The following CSMD1 variants were observed in gnomAD, a reference collection of about 807,000 sequenced individuals.
CSMD1 encodes the protein CUB and Sushi multiple domains 1, also known as CUB and sushi domain-containing protein 1.
In CSMD1, 213 loss-of-function variants were observed where a neutral mutation model predicts 417.5. The ratio of observed to expected loss-of-function variants is 0.51; its 90% CI spans 0.46 to 0.57. The LOEUF is 0.57. Among genes scored for constraint, CSMD1 ranks in the 20% least tolerant of loss-of-function variants. The pLI, the probability that CSMD1 is intolerant of heterozygous loss-of-function variation, is 0.00. For missense variants in CSMD1, 6,923 were observed against 4,529.7 expected, an observed-to-expected ratio of 1.53 and a Z score of -15.17; for synonymous variants, 2,862 against 1,736.8, an observed-to-expected ratio of 1.65 and a Z score of -16.11.
intron 3 of CSMD1, among the ~76,000 whole-genome samples, chr8:4,288,755 C>T (rs1458494240): frequency 6.6e-6 from 1 of 152,164 alleles, no homozygotes; most frequent in Non-Finnish European, 1.5e-5. Flanking sequence ...GGTCAACCTC[C>T]CAACTCTAAG....
At chr8:3,309,213 G>C (rs1805132068) in intron 23 of CSMD1, among the ~76,000 whole-genome samples, 1 of 152,174 alleles carries the variant, frequency 6.6e-6, no homozygotes, top group Non-Finnish European at 1.5e-5. Flanking sequence ...GGCACTGCCA[G>C]GGTGCTTTGC....
intron 6 of CSMD1, among the ~76,000 whole-genome samples, chr8:3,749,669 T>C (rs1329201390): frequency 2.0e-5 from 3 of 152,190 alleles, no homozygotes; most frequent in Non-Finnish European, 4.4e-5. Flanking sequence ...AACAAAGAAG[T>C]TTCTCATAGA....
intron 4 of CSMD1, among the ~76,000 whole-genome samples, chr8:4,016,196 T>A (rs982009858): frequency 1.3e-5 from 2 of 152,112 alleles, no homozygotes; most frequent in African/African-American, 4.8e-5. Context: ...GCCAGAGAGG[T>A]TTAGTCTAAG....
intron 43 of CSMD1, 105 bp downstream of exon 43, chr8:3,110,053 A>G (rs1469591766): frequency 1.0e-6 from 1 of 953,520 alleles, no homozygotes. Context: ...CTAGTATCTA[A>G]GAAGTTTATT....
chr8:3,175,339 C>A (rs2440721), intron 37 of CSMD1, among the ~76,000 whole-genome samples: 20,099 of 152,134 alleles, frequency 0.13, 1,923 homozygotes, highest in African/African-American at 0.26. Flanking sequence ...ACTGATTCAA[C>A]CTCCTACGTT....
At chr8:3,951,993 G>A (rs935095486) in intron 5 of CSMD1, among the ~76,000 whole-genome samples, 2 of 152,096 alleles carry the variant, frequency 1.3e-5, no homozygotes, top group Non-Finnish European at 2.9e-5. Context: ...GATTACACTT[G>A]GAACAACTTC....
intron 11 of CSMD1, among the ~76,000 whole-genome samples, chr8:3,489,040 T>A (rs888290962): frequency 5.3e-5 from 8 of 152,214 alleles, no homozygotes; most frequent in Non-Finnish European, 1.2e-4. Flanking sequence ...GTGATAACAT[T>A]AAAGATATAT....
intron 11 of CSMD1, among the ~76,000 whole-genome samples, chr8:3,475,605 C>G (rs10106960): frequency 6.6e-6 from 1 of 151,896 alleles, no homozygotes; most frequent in African/African-American, 2.4e-5. Flanking sequence ...TTAATCCAAC[C>G]TGAAGGAACT....
chr8:3,712,827 T>G (rs1377713291), intron 6 of CSMD1, among the ~76,000 whole-genome samples: 1 of 152,144 alleles, frequency 6.6e-6, no homozygotes, highest in Non-Finnish European at 1.5e-5. Flanking sequence ...TCAAATACAT[T>G]GTGGTCTACA....
intron 1 of CSMD1, among the ~76,000 whole-genome samples, chr8:4,904,526 C>T (rs1805109499): frequency 6.6e-6 from 1 of 152,050 alleles, no homozygotes; most frequent in African/African-American, 2.4e-5. Flanking sequence ...TTTCCAGGTC[C>T]TACACTGCCC....
At chr8:3,815,083 T>G (rs1334719711) in intron 5 of CSMD1, among the ~76,000 whole-genome samples, 1 of 152,170 alleles carries the variant, frequency 6.6e-6, no homozygotes, top group African/African-American at 2.4e-5. Flanking sequence ...TCCCCTGATA[T>G]TTGAGCTGTA....
intron 3 of CSMD1, among the ~76,000 whole-genome samples, chr8:4,369,847 C>G (rs980953049): frequency 2.0e-5 from 3 of 152,162 alleles, no homozygotes; most frequent in African/African-American, 7.2e-5. Context: ...AGACGAGTAT[C>G]TGGAAGACAG....
At chr8:2,980,600 TCTC>T (rs1805323796) in intron 54 of CSMD1, among the ~76,000 whole-genome samples, 1 of 150,808 alleles carries the variant, frequency 6.6e-6, no homozygotes, top group African/African-American at 2.5e-5. Context: ...GTCACACCCT[TCTC>T]CTTGCAGGCA....
At chr8:4,875,977 G>T (rs189117279) in intron 1 of CSMD1, among the ~76,000 whole-genome samples, 1 of 151,922 alleles carries the variant, frequency 6.6e-6, no homozygotes, top group Admixed American at 6.6e-5. Context: ...ATTTTCTTAT[G>T]AACACGATTT....
At chr8:4,076,015 T>G (rs370288346) in intron 3 of CSMD1, among the ~76,000 whole-genome samples, 2 of 152,194 alleles carry the variant, frequency 1.3e-5, no homozygotes, top group African/African-American at 4.8e-5. Context: ...GGGGATATTT[T>G]AATTCCTATA....
At chr8:3,513,009 A>G (rs5028046) in intron 10 of CSMD1, among the ~76,000 whole-genome samples, 52,173 of 151,920 alleles carry the variant, frequency 0.34, 11,798 homozygotes, top group African/African-American at 0.63. Flanking sequence ...GCATGCTTGA[A>G]AGATCATTTA....
chr8:3,378,317 A>C (rs555843629), intron 18 of CSMD1, among the ~76,000 whole-genome samples: 1 of 152,264 alleles, frequency 6.6e-6, no homozygotes, highest in East Asian at 1.9e-4. Context: ...TTCTCCCAGA[A>C]GTACAAAGAG....
chr8:4,410,629 A>C (rs997136479), intron 3 of CSMD1, among the ~76,000 whole-genome samples: 2 of 152,206 alleles, frequency 1.3e-5, no homozygotes, highest in Non-Finnish European at 2.9e-5. Flanking sequence ...ACCAAATGTA[A>C]TGTATATGCA....
chr8:3,358,584 A>G (rs1164444613), intron 21 of CSMD1, among the ~76,000 whole-genome samples: 1 of 152,172 alleles, frequency 6.6e-6, no homozygotes, highest in Non-Finnish European at 1.5e-5. Context: ...GTACCGAAAT[A>G]AAAATTCCTG....
Sources: allele counts gnomAD v4.1 joint callset (sites outside exome capture counted in the v4.1 genomes callset), GRCh38; gene constraint gnomAD v4.1.1; transcripts MANE v1.5; gene names NCBI Gene and HGNC (gene_info 2026-07-23, HGNC 2026-07-21).